SYNPR: variants seen among roughly 807,000 people sequenced by gnomAD.
The protein encoded by SYNPR is synaptoporin.
In SYNPR, 23 loss-of-function variants were observed where a neutral mutation model predicts 32.9. The ratio of observed to expected loss-of-function variants is 0.70; its 90% CI spans 0.50 to 0.99. The LOEUF is 0.99. Among genes scored for constraint, SYNPR ranks in the 50% least tolerant of loss-of-function variants. The pLI is 0.00. For missense variants in SYNPR, 318 were observed against 349.3 expected, an observed-to-expected ratio of 0.91 and a Z score of 0.71; for synonymous variants, 146 against 135.9, an observed-to-expected ratio of 1.07 and a Z score of -0.52.
intron 4 of SYNPR, among the ~76,000 whole-genome samples, chr3:63,588,988 GC>G (rs1703253756): frequency 1.3e-5 from 2 of 152,022 alleles, no homozygotes; most frequent in South Asian, 4.1e-4. Flanking sequence ...TACCTCTCCA[GC>G]AAATAGCCCA....
chr3:63,527,678 C>T (rs1194460851), intron 3 of SYNPR, among the ~76,000 whole-genome samples: 1 of 152,146 alleles, frequency 6.6e-6, no homozygotes, highest in African/African-American at 2.4e-5. Flanking sequence ...AAAAGATTTC[C>T]CCTGATAGCC....
intron 3 of SYNPR, among the ~76,000 whole-genome samples, chr3:63,270,848 T>G (rs1450589511): frequency 7.6e-6 from 1 of 132,238 alleles, no homozygotes; most frequent in Non-Finnish European, 1.6e-5. Context: ...AGAGAAAAAA[T>G]TCTCTCCCTT....
At chr3:63,523,215 G>A (rs970251927) in intron 3 of SYNPR, among the ~76,000 whole-genome samples, 1 of 152,108 alleles carries the variant, frequency 6.6e-6, no homozygotes, top group African/African-American at 2.4e-5. Context: ...CAGAGTAACT[G>A]GAACAGAAAA....
intron 3 of SYNPR, among the ~76,000 whole-genome samples, chr3:63,535,983 C>T (rs1702198812): frequency 6.6e-6 from 1 of 151,980 alleles, no homozygotes; most frequent in Non-Finnish European, 1.5e-5. Flanking sequence ...AGGACTCTAT[C>T]AGCCAGGTGC....
intron 2 of SYNPR, among the ~76,000 whole-genome samples, chr3:63,318,428 T>C (rs927624848): frequency 6.6e-6 from 1 of 151,968 alleles, no homozygotes; most frequent in African/African-American, 2.4e-5. Flanking sequence ...ATCCCAGACT[T>C]CTTGGAGACT....
intron 2 of SYNPR, among the ~76,000 whole-genome samples, chr3:63,410,658 AG>A (rs1025447859): frequency 1.3e-5 from 2 of 152,190 alleles, no homozygotes; most frequent in Non-Finnish European, 1.5e-5. Context: ...TTTCCAAAGT[AG>A]GAACCTAAAA....
chr3:63,376,492 T>C (rs571648322), intron 2 of SYNPR, among the ~76,000 whole-genome samples: 1 of 152,254 alleles, frequency 6.6e-6, no homozygotes, highest in Non-Finnish European at 1.5e-5. Context: ...CATTAGTCAC[T>C]TTTCTTTCAC....
At chr3:63,443,473 A>C in intron 2 of SYNPR, 1 of 1,606,462 alleles carries the variant, frequency 6.2e-7, no homozygotes, top group Non-Finnish European at 8.5e-7. Flanking sequence ...TGCTCCGGTA[A>C]GTTTACAGCT....
rs183790539 is a variant in SYNPR at position 63,228,857 on chromosome 3, T to C, written n.66+477T>C. On this transcript the variant is annotated intron_variant and non_coding_transcript_variant, in intron 1 of 4. Coordinates refer to the SYNPR transcript ENST00000478456. ...AACTTCTAGTTTTGCTTTCACGCCA[T>C]CTGAGACCCGGGCAGAAAACCGGAA... is the stretch of plus-strand genomic sequence containing the variant. Among the ~76,000 whole-genome samples, 83 of 151,780 alleles carry C rather than the reference T, an allele frequency of 5.5e-4. 2 individuals are homozygous for C. In the East Asian group the frequency reaches 0.016, roughly 29 times the overall value.
upstream of SYNPR, among the ~76,000 whole-genome samples, chr3:63,223,736 C>G (rs944079719): frequency 3.3e-5 from 5 of 152,182 alleles, no homozygotes; most frequent in Non-Finnish European, 5.9e-5. Flanking sequence ...GGACTGCCCC[C>G]CTCTTCTATA....
the SYNPR span, among the ~76,000 whole-genome samples, chr3:63,222,174 C>G: frequency 6.6e-6 from 1 of 151,646 alleles, no homozygotes; most frequent in South Asian, 2.1e-4. Flanking sequence ...CAACTGTAAG[C>G]CTAACCTTGG....
intron 2 of SYNPR, among the ~76,000 whole-genome samples, chr3:63,367,410 A>G (rs897031731): frequency 3.9e-5 from 6 of 151,926 alleles, no homozygotes; most frequent in Non-Finnish European, 8.8e-5. Flanking sequence ...CCCAGGCTGG[A>G]GTGCAGTCCT....
At chr3:63,254,459 ACAT>A (rs1309039981) in intron 2 of SYNPR, among the ~76,000 whole-genome samples, 1 of 152,190 alleles carries the variant, frequency 6.6e-6, no homozygotes, top group Non-Finnish European at 1.5e-5. Context: ...ATAACAGACT[ACAT>A]CATAAGCTGC....
intron 5 of SYNPR, among the ~76,000 whole-genome samples, chr3:63,614,245 A>G (rs535039735): frequency 2.6e-5 from 4 of 152,336 alleles, no homozygotes; most frequent in African/African-American, 4.8e-5. Flanking sequence ...ACCTGTCTCC[A>G]TTAGGGGGCT....
chr3:63,369,067 G>T (rs185191331), intron 2 of SYNPR, among the ~76,000 whole-genome samples: 3 of 152,270 alleles, frequency 2.0e-5, no homozygotes, highest in Admixed American at 1.3e-4. Context: ...TTAATGGTAA[G>T]GTCTTTAAAG....
At chr3:63,479,940 A>G (rs1485567408) in intron 2 of SYNPR, among the ~76,000 whole-genome samples, 1 of 152,222 alleles carries the variant, frequency 6.6e-6, no homozygotes, top group African/African-American at 2.4e-5. Context: ...TCCAAAGTTA[A>G]GATAAATTGG....
chr3:63,603,894 C>T (rs1284964247), intron 4 of SYNPR, among the ~76,000 whole-genome samples: 2 of 152,090 alleles, frequency 1.3e-5, no homozygotes, highest in Non-Finnish European at 2.9e-5. Flanking sequence ...GTCCTTCCTC[C>T]TCAATTTTTT....
At chr3:63,485,328 G>T (rs557041332) in intron 3 of SYNPR, among the ~76,000 whole-genome samples, 1 of 151,908 alleles carries the variant, frequency 6.6e-6, no homozygotes, top group Admixed American at 6.6e-5. Context: ...AAAACTTTCT[G>T]CACATGTATC....
rs546010449 is a variant in SYNPR at position 63,492,741 on chromosome 3, G to T, written c.209+11785G>T. Among the ~76,000 whole-genome samples the T allele has an allele frequency of 5.6e-4, 85 of 152,150 alleles. 3 individuals carry two copies. Among genetic ancestry groups the T allele is most frequent in the Non-Finnish European group, 1.8e-4 (12 of 68,022 alleles). On this transcript the variant is annotated intron_variant, in intron 3 of 5. Transcript: ENST00000478300. ...AATTTTACAGAGCAGGCATGGGGGA[G>T]TGTGGTGGGAAGAACCTCATTACCA...
Sources: allele counts gnomAD v4.1 joint callset (sites outside exome capture counted in the v4.1 genomes callset), GRCh38; gene constraint gnomAD v4.1.1; transcripts MANE v1.5; gene names NCBI Gene and HGNC (gene_info 2026-07-23, HGNC 2026-07-21).